Variants in MECOM observed in about 807,000 individuals in gnomAD.
The protein encoded by MECOM is histone-lysine N-methyltransferase MECOM.
MECOM carries 13 observed loss-of-function variants against 116.3 expected under a neutral mutation model. That is an observed-to-expected ratio of 0.11 (90% confidence interval 0.07 to 0.18). The LOEUF (loss-of-function observed/expected upper bound fraction) is 0.18, where lower values mean the gene tolerates loss of function less well. MECOM is among the 10% of genes least tolerant of loss of function. The pLI is 1.00. For synonymous variants in MECOM, 528 were observed against 535.2 expected (o/e 0.99, Z 0.19); for missense variants, 1,299 against 1,509.0 (o/e 0.86, Z 2.31).
chr3:169,627,827 A>G (rs1316247247), intron 1 of MECOM, among the ~76,000 whole-genome samples: 1 of 152,228 alleles, frequency 6.6e-6, no homozygotes, highest in African/African-American at 2.4e-5. Context: ...ATAAACAAGG[A>G]CAATTAGGAA....
intron 2 of MECOM, among the ~76,000 whole-genome samples, chr3:169,210,262 T>C (rs541197451): frequency 6.6e-6 from 1 of 152,134 alleles, no homozygotes. Flanking sequence ...GATGGGTTGA[T>C]AGATGCAGCC....
chr3:169,605,492 A>G (rs1768410707), intron 1 of MECOM, among the ~76,000 whole-genome samples: 1 of 152,258 alleles, frequency 6.6e-6, no homozygotes, highest in Non-Finnish European at 1.5e-5. Context: ...GAAATGAGTA[A>G]CAGTAACCCT....
intron 1 of MECOM, among the ~76,000 whole-genome samples, chr3:169,488,525 G>A (rs995269262): frequency 1.6e-4 from 24 of 151,822 alleles, no homozygotes; most frequent in Non-Finnish European, 2.2e-4. Flanking sequence ...CAGCCTGGGC[G>A]ACAGAGCTAG....
chr3:169,123,578 A>C (rs938290183), intron 5 of MECOM, among the ~76,000 whole-genome samples: 9 of 152,074 alleles, frequency 5.9e-5, no homozygotes, highest in African/African-American at 1.9e-4. Context: ...ATAATGGATT[A>C]TGTGATAGAA....
chr3:169,286,625 A>T (rs981869057), intron 2 of MECOM, among the ~76,000 whole-genome samples: 2 of 152,166 alleles, frequency 1.3e-5, no homozygotes, highest in Non-Finnish European at 2.9e-5. Context: ...ATTCCTTGCC[A>T]TTTTTATGTC....
intron 2 of MECOM, among the ~76,000 whole-genome samples, chr3:169,327,108 C>T (rs1209531050): frequency 2.0e-5 from 3 of 152,176 alleles, no homozygotes; most frequent in Non-Finnish European, 2.9e-5. Flanking sequence ...GGGTCAGATG[C>T]AAAAGGCTTG....
chr3:169,422,983 A>G (rs1464288660), intron 1 of MECOM, among the ~76,000 whole-genome samples: 1 of 152,104 alleles, frequency 6.6e-6, no homozygotes, highest in Non-Finnish European at 1.5e-5. Flanking sequence ...TGCTCTGGTA[A>G]GCAGAAAAAA....
At chr3:169,117,732 T>A (rs1224389477) in intron 7 of MECOM, among the ~76,000 whole-genome samples, 1 of 152,194 alleles carries the variant, frequency 6.6e-6, no homozygotes, top group African/African-American at 2.4e-5. Flanking sequence ...TAAAGTAGAA[T>A]CTTCCTCCTC....
chr3:169,477,095 GTGTGTGTGTGTATATATATATATATA>G (rs1361524237), intron 1 of MECOM: 2 of 49,174 alleles, frequency 4.1e-5, no homozygotes, highest in Admixed American at 2.9e-4. Context: ...GTGTGTGTGT[GTGTGTGTGTGTATATATATATATATA>G]TATATATATA....
chr3:169,462,791 A>G (rs771414971), intron 1 of MECOM, among the ~76,000 whole-genome samples: 1 of 152,210 alleles, frequency 6.6e-6, no homozygotes, highest in African/African-American at 2.4e-5. Flanking sequence ...GCCAAAGGCA[A>G]ATATAGTCTA....
Position 169,162,068 on chromosome 3 carries a change from G to A in MECOM, c.376-18236C>T, listed in dbSNP as rs141012769. Among the ~76,000 whole-genome samples the A allele has an allele frequency of 8.5e-5, 13 of 152,254 alleles. No individual in the cohort carries two copies. The East Asian group carries it at 1.4e-3, about 16-fold the overall frequency. On this transcript the variant is annotated intron_variant, in intron 2 of 16. Coordinates refer to ENST00000651503, the MANE Select transcript of MECOM (RefSeq NM_004991.4). ...GTTTACTGTTGTTTTCAACCATTAA[G>A]TTTTGGGATAATTTGTGGGGCAGCA...
chr3:169,353,087 G>C (rs779742207), intron 2 of MECOM, among the ~76,000 whole-genome samples: 1 of 151,854 alleles, frequency 6.6e-6, no homozygotes, highest in Non-Finnish European at 1.5e-5. Flanking sequence ...AAAACAAGTT[G>C]CTAAAACACT....
In MECOM at chr3:169,391,070, T is replaced by G. The variant is rs189093398; in HGVS notation, c.38-9546A>C. Among the ~76,000 whole-genome samples, 190 of 152,014 alleles carry G rather than the reference T, an allele frequency of 1.2e-3. 1 individual carries two copies. The highest frequency in any genetic ancestry group is 4.5e-3 in the African/African-American group (185 of 41,452). On this transcript the variant is annotated intron_variant, in intron 1 of 16. Transcript: ENST00000651503. ...AGAAGAGCTTTCTTACAGCCAGGAG[T>G]CTTACATAAAGAAAAGAAAATAATT... is the stretch of plus-strand genomic sequence containing the variant.
intron 1 of MECOM, among the ~76,000 whole-genome samples, chr3:169,602,849 T>C (rs1767988204): frequency 6.6e-6 from 1 of 152,094 alleles, no homozygotes; most frequent in Non-Finnish European, 1.5e-5. Flanking sequence ...ACAAAAAAAC[T>C]ATGTTCTGAA....
chr3:169,087,673 T>C (rs1420195260), intron 16 of MECOM, among the ~76,000 whole-genome samples: 1 of 142,876 alleles, frequency 7.0e-6, no homozygotes, highest in South Asian at 2.4e-4. Context: ...GATGGAAGAA[T>C]GGGAAATCAA....
At chr3:169,484,285 AAAAG>A (rs201792413) in intron 1 of MECOM, among the ~76,000 whole-genome samples, 11 of 151,838 alleles carry the variant, frequency 7.2e-5, no homozygotes, top group South Asian at 2.1e-4. Flanking sequence ...CAAAAGAGAA[AAAAG>A]AAAGAAAGAG....
chr3:169,483,893 G>A, intron 1 of MECOM: 1 of 1,610,138 alleles, frequency 6.2e-7, no homozygotes, highest in Non-Finnish European at 8.5e-7. Context: ...CTCCACCAAG[G>A]TTCCCAGCTT....
chr3:169,385,103 CAAAA>C (rs751654546), intron 1 of MECOM, among the ~76,000 whole-genome samples: 3 of 81,308 alleles, frequency 3.7e-5, no homozygotes, highest in African/African-American at 5.6e-5. Context: ...GACCCTGTCT[CAAAA>C]AAAAAAAAAA....
chr3:169,631,361 G>A (rs1038477567), intron 1 of MECOM, among the ~76,000 whole-genome samples: 1 of 152,218 alleles, frequency 6.6e-6, no homozygotes, highest in Non-Finnish European at 1.5e-5. Context: ...CATAAAAAGA[G>A]AGAAGACAAA....
Sources: allele counts gnomAD v4.1 joint callset (sites outside exome capture counted in the v4.1 genomes callset), GRCh38; gene constraint gnomAD v4.1.1; transcripts MANE v1.5; gene names NCBI Gene and HGNC (gene_info 2026-07-23, HGNC 2026-07-21).